The following MAP3K13 variants were observed in gnomAD, a reference collection of about 807,000 sequenced individuals.
MAP3K13 encodes the protein mitogen-activated protein kinase kinase kinase 13, also known as leucine zipper-bearing kinase.
MAP3K13 carries 52 observed loss-of-function variants against 104.0 expected under a neutral mutation model. The observed-to-expected ratio is 0.50, with a 90% CI of 0.40 to 0.63. The LOEUF (loss-of-function observed/expected upper bound fraction) is 0.63. Among genes scored for constraint, MAP3K13 ranks in the 20% least tolerant of loss-of-function variants. The pLI, the probability that MAP3K13 is intolerant of heterozygous loss-of-function variation, is 0.00. For missense variants in MAP3K13, 914 were observed against 1,218.5 expected (o/e 0.75, Z 3.72); for synonymous variants, 394 against 442.2 (o/e 0.89, Z 1.37).
At chr3:185,397,465 A>G (rs1039081476) in intron 1 of MAP3K13, among the ~76,000 whole-genome samples, 2 of 152,226 alleles carry the variant, frequency 1.3e-5, no homozygotes, top group African/African-American at 4.8e-5. Context: ...GAATTCATAA[A>G]TATTGAGTAG....
At chr3:185,406,828 A>T (rs779165749) in intron 1 of MAP3K13, among the ~76,000 whole-genome samples, 2 of 152,144 alleles carry the variant, frequency 1.3e-5, no homozygotes, top group Non-Finnish European at 1.5e-5. Context: ...GATTGAATGG[A>T]TGCCCTATTG....
At chr3:185,331,383 C>T (rs895741839) in intron 2 of MAP3K13, among the ~76,000 whole-genome samples, 6 of 152,078 alleles carry the variant, frequency 3.9e-5, no homozygotes, top group Admixed American at 2.0e-4. Flanking sequence ...GCGTGAACCA[C>T]TGCGCCTGGC....
rs74471316 is a variant in MAP3K13, at chr3:185,372,476, G to C, written c.-86+9108G>C. 5.4e-3 allele frequency among the ~76,000 whole-genome samples: 822 copies of C among 152,236 alleles called. 14 individuals carry two copies. The highest frequency in any genetic ancestry group is 0.018 in the African/African-American group (768 of 41,542). Reference sequence around the variant, plus strand: ...GAGACAGACTAGACCAGGTTTCTTGGAGAAAGAAAAACAGTCACATAATCT... The same window carrying C: ...GAGACAGACTAGACCAGGTTTCTTGCAGAAAGAAAAACAGTCACATAATCT... On this transcript the variant is annotated intron_variant, in intron 1 of 13. Coordinates refer to ENST00000265026, the MANE Select transcript of MAP3K13 (RefSeq NM_004721.5).
In MAP3K13 at chr3:185,473,367, T is replaced by C. The variant is rs1717920404; in HGVS notation, c.2036T>C (p.Leu679Pro). The C allele has an allele frequency of 1.2e-6, 2 of 1,614,096 alleles. No homozygotes were observed. Reference sequence around the variant, plus strand: ...AGGTATTTCGGCCCAGCAGCAGCCCTGCGGAGCCCACTCAGCAACCATGCT... The same window carrying C: ...AGGTATTTCGGCCCAGCAGCAGCCCCGCGGAGCCCACTCAGCAACCATGCT... ...NLRYFGPAAA[L>P]RSPLSNHAQR... Residue 679 changes from leucine to proline, a missense_variant, in exon 11 of 14, where the codon CTG becomes CCG. Leu to Pro is a moderately conservative substitution (Grantham distance 98, BLOSUM62 -3). Transcript: ENST00000265026. The surrounding 1 kb of genome is among the most constrained non-coding windows in gnomAD (Gnocchi z 4.9).
intron 1 of MAP3K13, among the ~76,000 whole-genome samples, chr3:185,427,809 T>C (rs1312788693): frequency 6.6e-6 from 1 of 152,168 alleles, no homozygotes; most frequent in Non-Finnish European, 1.5e-5. Flanking sequence ...CCGGGCACGG[T>C]GGCTCACGCC....
chr3:185,419,031 T>C (rs1248588604), intron 1 of MAP3K13, among the ~76,000 whole-genome samples: 2 of 152,084 alleles, frequency 1.3e-5, no homozygotes, highest in Admixed American at 6.5e-5. Context: ...TTTTTTTTTT[T>C]TTTGAGACAG....
chr3:185,314,607 A>G (rs1375412111), intron 2 of MAP3K13, among the ~76,000 whole-genome samples: 2 of 151,732 alleles, frequency 1.3e-5, no homozygotes, highest in Non-Finnish European at 2.9e-5. Context: ...GAGCAACTCC[A>G]CGTCTCAAAA....
At chr3:185,363,874 G>T (rs1483312945) in intron 1 of MAP3K13, among the ~76,000 whole-genome samples, 1 of 152,216 alleles carries the variant, frequency 6.6e-6, no homozygotes, top group Non-Finnish European at 1.5e-5. Context: ...TGGTGAAGAT[G>T]AATACTTGTT....
intron 1 of MAP3K13, among the ~76,000 whole-genome samples, chr3:185,419,792 A>G (rs1178807707): frequency 6.6e-6 from 1 of 152,148 alleles, no homozygotes; most frequent in African/African-American, 2.4e-5. Context: ...TTATGATATG[A>G]TTTATGGATA....
intron 7 of MAP3K13, among the ~76,000 whole-genome samples, chr3:185,458,963 G>A (rs1055556639): frequency 1.4e-4 from 21 of 152,284 alleles, no homozygotes; most frequent in African/African-American, 5.1e-4. Flanking sequence ...ACTGTTCCTG[G>A]TATTCAATTA....
intron 2 of MAP3K13, among the ~76,000 whole-genome samples, chr3:185,322,135 A>G (rs531267039): frequency 2.0e-5 from 3 of 152,298 alleles, no homozygotes; most frequent in South Asian, 2.1e-4. Flanking sequence ...ATTTTCCCCT[A>G]TATAAAGTTG....
chr3:185,430,616 G>A (rs1714688073), intron 2 of MAP3K13, among the ~76,000 whole-genome samples: 1 of 152,046 alleles, frequency 6.6e-6, no homozygotes, highest in East Asian at 1.9e-4. Flanking sequence ...CCATGTCCTC[G>A]CAAAGGACAA....
Position 185,423,432 on chromosome 3 carries a change from G to A in MAP3K13, c.-85-5065G>A, listed in dbSNP as rs554764138. Reference sequence around the variant, plus strand: ...AGATGAGGCAGGGCAAGGTCAGAGAGGCCAAAGGCAGGAGACAGCTCAAGG... The same window carrying A: ...AGATGAGGCAGGGCAAGGTCAGAGAAGCCAAAGGCAGGAGACAGCTCAAGG... On this transcript the variant is annotated intron_variant, in intron 1 of 13. Coordinates refer to ENST00000265026, the MANE Select transcript of MAP3K13 (RefSeq NM_004721.5). The surrounding 1 kb of genome is among the most constrained non-coding windows in gnomAD (Gnocchi z 4.1). Among the ~76,000 whole-genome samples, 20 of 152,300 alleles carry A rather than the reference G, an allele frequency of 1.3e-4. No homozygotes were observed. Among genetic ancestry groups the A allele is most frequent in the African/African-American group, 4.8e-4 (20 of 41,564 alleles).
chr3:185,424,955 A>G (rs1448377972), intron 1 of MAP3K13, among the ~76,000 whole-genome samples: 1 of 152,130 alleles, frequency 6.6e-6, no homozygotes, highest in Non-Finnish European at 1.5e-5. Flanking sequence ...CTTCCACCCA[A>G]GTAGCTGACA....
At chr3:185,412,635 T>C (rs984740071) in intron 1 of MAP3K13, among the ~76,000 whole-genome samples, 2 of 152,232 alleles carry the variant, frequency 1.3e-5, no homozygotes, top group African/African-American at 4.8e-5. Flanking sequence ...GAATCATTAC[T>C]TTAAAAATTA....
intron 2 of MAP3K13, among the ~76,000 whole-genome samples, chr3:185,346,245 G>A (rs1398367249): frequency 2.0e-5 from 3 of 152,032 alleles, no homozygotes; most frequent in African/African-American, 7.3e-5. Context: ...ATCAATTTTT[G>A]TAACTTTTCC....
rs1715835973 is a variant in MAP3K13 at position 185,450,797 on chromosome 3, G to A, written c.1170-490G>A. ...AAAAAAAATAAAAAATAAATTTAAA[G>A]AAATGTTAAGGGCCGGGTACGGTGG... On this transcript the variant is annotated intron_variant, in intron 6 of 13. Transcript: ENST00000265026. This position sits in a 1 kb window ranked among gnomAD's most constrained non-coding sequence, Gnocchi z 4.2. Among the ~76,000 whole-genome samples, 4 of 151,542 alleles carry A rather than the reference G, an allele frequency of 2.6e-5. No homozygotes were observed. The South Asian group carries it at 6.3e-4, about 24-fold the overall frequency.
chr3:185,290,557 C>G (rs532440746), intron 2 of MAP3K13, among the ~76,000 whole-genome samples: 12 of 152,224 alleles, frequency 7.9e-5, no homozygotes, highest in African/African-American at 2.9e-4. Context: ...TGTATTGAAA[C>G]CAATTTTGTA....
At chr3:185,452,624 T>C (rs1002719176) in intron 7 of MAP3K13, among the ~76,000 whole-genome samples, 5 of 152,196 alleles carry the variant, frequency 3.3e-5, no homozygotes, top group Admixed American at 6.5e-5. Context: ...CAGGCAGTTC[T>C]ACTGGCTTTG....
Sources: allele counts gnomAD v4.1 joint callset (sites outside exome capture counted in the v4.1 genomes callset), GRCh38; gene constraint gnomAD v4.1.1; non-coding constraint Gnocchi (gnomAD v3.1); transcripts MANE v1.5; gene names NCBI Gene and HGNC (gene_info 2026-07-23, HGNC 2026-07-21).